IQCJ: variants seen among roughly 807,000 people sequenced by gnomAD.
IQCJ encodes IQ motif containing J.
In IQCJ, 9 loss-of-function variants were observed where a neutral mutation model predicts 11.0. The ratio of observed to expected loss-of-function variants is 0.82; its 90% CI spans 0.49 to 1.43. IQCJ has a LOEUF of 1.43. Among genes scored for constraint, IQCJ ranks in the 40% most tolerant of loss-of-function variants. The probability of loss-of-function intolerance (pLI) is 0.00; values close to 1 mark genes in which losing one functional copy is unlikely to be tolerated. For missense variants in IQCJ, 146 were observed against 133.2 expected (o/e 1.10, Z -0.47); for synonymous variants, 55 against 51.3 (o/e 1.07, Z -0.31).
intron 1 of IQCJ, among the ~76,000 whole-genome samples, chr3:159,105,829 G>A (rs1038974384): frequency 4.6e-5 from 7 of 152,156 alleles, no homozygotes; most frequent in South Asian, 4.1e-4. Flanking sequence ...ACACGCAGCC[G>A]TATAGGACAT....
intron 1 of IQCJ, among the ~76,000 whole-genome samples, chr3:159,224,929 G>A (rs1725762730): frequency 6.6e-6 from 1 of 152,114 alleles, no homozygotes; most frequent in Non-Finnish European, 1.5e-5. Flanking sequence ...ATTAACCCAT[G>A]TATTGCTCAT....
intron 1 of IQCJ, among the ~76,000 whole-genome samples, chr3:159,203,887 A>G (rs1359162551): frequency 1.2e-4 from 18 of 152,178 alleles, no homozygotes; most frequent in Admixed American, 1.1e-3. Flanking sequence ...TTCTGTGGCT[A>G]TGAGAAGGTT....
chr3:159,201,392 C>T (rs772798730), intron 1 of IQCJ, among the ~76,000 whole-genome samples: 6 of 151,944 alleles, frequency 3.9e-5, no homozygotes, highest in South Asian at 2.1e-4. Context: ...TAAACAAGCA[C>T]GTTAGTGGAG....
At chr3:159,201,170 T>C in intron 1 of IQCJ, among the ~76,000 whole-genome samples, 1 of 152,116 alleles carries the variant, frequency 6.6e-6, no homozygotes, top group Non-Finnish European at 1.5e-5. Flanking sequence ...GGCACTAGGA[T>C]TGAAACTGAA....
intron 1 of IQCJ, among the ~76,000 whole-genome samples, chr3:159,194,786 T>C (rs1272357704): frequency 2.0e-5 from 3 of 152,188 alleles, no homozygotes; most frequent in African/African-American, 7.2e-5. Context: ...AAGGGTATTA[T>C]TACCATCCCC....
intron 3 of IQCJ, among the ~76,000 whole-genome samples, chr3:159,257,754 A>G (rs1012387911): frequency 1.3e-5 from 2 of 152,264 alleles, no homozygotes; most frequent in Admixed American, 1.3e-4. Context: ...AGAAAAATCA[A>G]CTAACAGACT....
At chr3:159,188,390 A>G (rs1361455320) in intron 1 of IQCJ, among the ~76,000 whole-genome samples, 2 of 152,234 alleles carry the variant, frequency 1.3e-5, no homozygotes, top group South Asian at 2.1e-4. Context: ...AGCCTGGGCA[A>G]CAAGAGTGAA....
At chr3:159,222,809 G>T (rs927750075) in intron 1 of IQCJ, among the ~76,000 whole-genome samples, 11 of 150,046 alleles carry the variant, frequency 7.3e-5, no homozygotes, top group Admixed American at 4.6e-4. Flanking sequence ...CATATTGTAC[G>T]CCTTAATACA....
intron 1 of IQCJ, among the ~76,000 whole-genome samples, chr3:159,132,868 G>A (rs768184543): frequency 2.5e-4 from 38 of 152,100 alleles, no homozygotes; most frequent in Non-Finnish European, 4.4e-4. Context: ...ATGACCCTCC[G>A]TTTAAAATTA....
At chr3:159,258,760 GA>G (rs776302412) in intron 3 of IQCJ, among the ~76,000 whole-genome samples, 12 of 152,094 alleles carry the variant, frequency 7.9e-5, no homozygotes, top group Non-Finnish European at 1.6e-4. Flanking sequence ...GGCTGTTCTT[GA>G]AAAGTTGAAA....
chr3:159,073,645 A>G lies in IQCJ; in HGVS notation c.9+4204A>G, dbSNP rs116458112. 5.8e-3 allele frequency among the ~76,000 whole-genome samples: 889 copies of G among 152,088 alleles called. 3 individuals carry two copies. Among genetic ancestry groups the G allele is most frequent in the African/African-American group, 0.02 (845 of 41,516 alleles). Reference sequence around the variant, plus strand: ...CAAGAACTGCTCAGTGCATCCTCCCACTAGTCTCTTTGCTCCCATCCAATT... The same window carrying G: ...CAAGAACTGCTCAGTGCATCCTCCCGCTAGTCTCTTTGCTCCCATCCAATT... On this transcript the variant is annotated intron_variant, in intron 1 of 3. Coordinates refer to ENST00000397832, the MANE Select transcript of IQCJ (RefSeq NM_001042706.3).
chr3:159,208,984 A>T (rs1286175237), intron 1 of IQCJ, among the ~76,000 whole-genome samples: 1 of 152,184 alleles, frequency 6.6e-6, no homozygotes, highest in African/African-American at 2.4e-5. Flanking sequence ...GAAAGGAAAT[A>T]CTGGGTAGAA....
chr3:159,109,907 C>T (rs568835239), intron 1 of IQCJ, among the ~76,000 whole-genome samples: 97 of 152,262 alleles, frequency 6.4e-4, no homozygotes, highest in Non-Finnish European at 1.2e-3. Context: ...TCACTAATAC[C>T]TATATACACT....
chr3:159,253,702 C>A (rs965330969), intron 3 of IQCJ, among the ~76,000 whole-genome samples: 3 of 151,878 alleles, frequency 2.0e-5, no homozygotes, highest in Non-Finnish European at 2.9e-5. Flanking sequence ...CATATCTGAG[C>A]TTGGCCAGAA....
At chr3:159,229,946 AG>A (rs1400231434) in intron 1 of IQCJ, among the ~76,000 whole-genome samples, 1 of 145,636 alleles carries the variant, frequency 6.9e-6, no homozygotes, top group African/African-American at 2.6e-5. Flanking sequence ...TTTTAGATAC[AG>A]GGGGTTCATG....
chr3:159,264,005 A>G (rs1169196047), downstream of IQCJ, among the ~76,000 whole-genome samples: 1 of 152,234 alleles, frequency 6.6e-6, no homozygotes, highest in African/African-American at 2.4e-5. Context: ...GGTAAAAACT[A>G]AAGTGAGAAT....
Position 159,090,477 on chromosome 3 carries a change from T to G in IQCJ, c.9+21036T>G, listed in dbSNP as rs185936764. On this transcript the variant is annotated intron_variant, in intron 1 of 3. Transcript: ENST00000397832. ...CAAGATTGTTGGATGCTGGGTCAGT[T>G]CTGAGAAGCACATCGTCCGTAGAGT... Among the ~76,000 whole-genome samples the G allele has an allele frequency of 3.9e-3, 598 of 151,932 alleles. 18 individuals carry two copies. Among genetic ancestry groups the G allele is most frequent in the African/African-American group, 0.013 (533 of 41,216 alleles).
rs1228564682 is a variant in IQCJ at position 159,169,266 on chromosome 3, T to C, written c.10-76577T>C. ...CCTATGTTCTTTTTTTTTTCCCTTTTCTTTCTTTCTTTCTTTTTTTTTTTT... is the reference window on the plus strand; with the variant it reads ...CCTATGTTCTTTTTTTTTTCCCTTTCCTTTCTTTCTTTCTTTTTTTTTTTT... On this transcript the variant is annotated intron_variant, in intron 1 of 3. Transcript: ENST00000397832. Among the ~76,000 whole-genome samples the C allele has an allele frequency of 2.9e-5, 4 of 138,378 alleles. No individual in the cohort carries two copies. The Middle Eastern group carries it at 0.011, about 393-fold the overall frequency. 90.8% of individuals were successfully genotyped at this position (138,378 alleles called of 152,430 possible). A position where few individuals can be genotyped will look rare whatever the true frequency, so the allele number is the denominator to read the frequency against.
chr3:159,224,961 C>T (rs1725765964), intron 1 of IQCJ, among the ~76,000 whole-genome samples: 1 of 151,978 alleles, frequency 6.6e-6, no homozygotes, highest in South Asian at 2.1e-4. Context: ...ATAGGTAAAG[C>T]CACTCTGGAA....
Sources: gnomAD v4.1 joint callset for allele counts (sites outside exome capture counted in the v4.1 genomes callset) on GRCh38, gnomAD v4.1.1 for gene constraint, MANE v1.5 for transcripts, NCBI Gene and HGNC (gene_info 2026-07-23, HGNC 2026-07-21) for gene names.